The following RSPO1 variants were observed in gnomAD, a reference collection of about 807,000 sequenced individuals.
The protein encoded by RSPO1 is R-spondin 1.
Under a neutral mutation model 26.0 loss-of-function variants are expected in RSPO1, and 18 were observed. The observed-to-expected ratio is 0.69, with a 90% CI of 0.48 to 1.03. The LOEUF (loss-of-function observed/expected upper bound fraction) is 1.03, where lower values mean the gene tolerates loss of function less well. Ranked by LOEUF, RSPO1 falls within the 50% of genes least tolerant of loss-of-function variation. The pLI, the probability that RSPO1 is intolerant of heterozygous loss-of-function variation, is 0.00. For missense variants in RSPO1, 309 were observed against 352.3 expected (o/e 0.88, Z 0.98); for synonymous variants, 133 against 137.4 (o/e 0.97, Z 0.22).
Position 37,634,850 on chromosome 1 carries a change from C to T in RSPO1, c.-640G>A, listed in dbSNP as rs1644415957. The T allele has an allele frequency of 6.6e-6, 1 of 152,306 alleles. No individual in the cohort carries two copies. The highest frequency in any genetic ancestry group is 2.4e-5 in the African/African-American group (1 of 41,476). The allele number at this position is 152,306 out of a possible 1,614,324, so 9.4% of individuals were successfully genotyped here. On this transcript the variant is annotated 5_prime_UTR_variant, in exon 1 of 7. Transcript: ENST00000356545. The surrounding 1 kb of genome is among the most constrained non-coding windows in gnomAD (Gnocchi z 4.7). ...GCTCTCTGCCCTGCGCTGGTGCTCT[C>T]CGTCGCGCCTCCGCTCGGCCGGAGC... is the stretch of plus-strand genomic sequence containing the variant.
chr1:37,629,652 C>A lies in RSPO1; in HGVS notation c.10G>T (p.Gly4Trp). The change falls in exon 3 of 7, where the codon GGG becomes TGG. Residue 4 changes from glycine (G) to tryptophan (W), a missense_variant. Physicochemically the swap from Gly to Trp is radical, Grantham distance 184. Coordinates refer to ENST00000356545, the MANE Select transcript of RSPO1 (RefSeq NM_001242908.2). Reference protein sequence around the residue: MRLGLCVVALVLSW... With the variant: MRLWLCVVALVLSW... The stretch of plus-strand genomic sequence containing the variant: ...AGAACCAGGGCCACCACACACAGCC[C>A]AAGCCGCATAGTCACGCGCCAGCTC... 1 of 1,614,106 alleles carries A rather than the reference C, an allele frequency of 6.2e-7. No homozygotes were observed. The highest frequency in any genetic ancestry group is 8.5e-7 in the Non-Finnish European group (1 of 1,180,016).
intron 1 of RSPO1, among the ~76,000 whole-genome samples, chr1:37,633,924 C>T (rs757161558): frequency 5.3e-5 from 8 of 152,216 alleles, no homozygotes; most frequent in Admixed American, 1.3e-4. Context: ...GAGCTGTCCA[C>T]GTCTGAGAGG....
chr1:37,615,589 C>T (rs532222633), intron 4 of RSPO1, among the ~76,000 whole-genome samples: 1 of 152,338 alleles, frequency 6.6e-6, no homozygotes, highest in South Asian at 2.1e-4. Context: ...TGTCTCCCTC[C>T]CAGTGTTGTT....
At chr1:37,619,064 A>T (rs888383841) in intron 3 of RSPO1, among the ~76,000 whole-genome samples, 1 of 152,162 alleles carries the variant, frequency 6.6e-6, no homozygotes, top group Non-Finnish European at 1.5e-5. Flanking sequence ...TGTACTAAAG[A>T]TACACAAAAT....
intron 2 of RSPO1, chr1:37,631,850 AC>A (rs1365765979): frequency 6.6e-6 from 1 of 152,200 alleles, no homozygotes; most frequent in Non-Finnish European, 1.5e-5. Flanking sequence ...TAACCTTAAT[AC>A]TGAGTACTGT....
rs761409987 is a variant in RSPO1, at chr1:37,613,892, G to A, written c.437C>T (p.Ala146Val). ...ANGTMECSSP[A>V]QCEMSEWSPW... is the part of the protein sequence containing the mutation. Reference sequence around the variant, plus strand: ...AGACCACTCGCTCATTTCACATTGCGCTGGCAGGAAGAGAAGGGAAGGGAG... The same window carrying A: ...AGACCACTCGCTCATTTCACATTGCACTGGCAGGAAGAGAAGGGAAGGGAG... The change falls in exon 6 of 7, where the codon GCG becomes GTG. Residue 146 changes from alanine to valine, a missense_variant and splice_region_variant. Ala to Val is a moderately conservative substitution (Grantham distance 64). Coordinates refer to ENST00000356545, the MANE Select transcript of RSPO1 (RefSeq NM_001242908.2). The surrounding 1 kb of genome is among the most constrained non-coding windows in gnomAD (Gnocchi z 4.5). 1.3e-5 allele frequency: 21 copies of A among 1,613,858 alleles called. No individual in the cohort carries two copies. The highest frequency in any genetic ancestry group is 4.0e-5 in the African/African-American group (3 of 74,924).
At chr1:37,629,396 A>G (rs1644323720) in intron 3 of RSPO1, among the ~76,000 whole-genome samples, 172 bp downstream of exon 3, 1 of 152,202 alleles carries the variant, frequency 6.6e-6, no homozygotes, top group Non-Finnish European at 1.5e-5. Context: ...TAATCCACCA[A>G]TTGAATAATC....
intron 2 of RSPO1, among the ~76,000 whole-genome samples, chr1:37,630,377 C>G (rs533537909): frequency 1.3e-5 from 2 of 152,188 alleles, no homozygotes; most frequent in Non-Finnish European, 2.9e-5. Flanking sequence ...CTTTTCTTCC[C>G]GGGGCTGAGT....
intron 3 of RSPO1, among the ~76,000 whole-genome samples, chr1:37,627,718 A>G (rs571764733): frequency 1.5e-4 from 23 of 152,262 alleles, no homozygotes; most frequent in African/African-American, 5.3e-4. Flanking sequence ...CTATTATCTC[A>G]TGTAAGCCTT....
At chr1:37,627,142 C>A (rs777336431) in intron 3 of RSPO1, among the ~76,000 whole-genome samples, 1 of 152,064 alleles carries the variant, frequency 6.6e-6, no homozygotes, top group Admixed American at 6.6e-5. Context: ...GCCCTCCTAC[C>A]CTGCAGCCGA....
intron 3 of RSPO1, among the ~76,000 whole-genome samples, chr1:37,619,698 A>T (rs1043879268): frequency 3.3e-5 from 5 of 152,188 alleles, no homozygotes; most frequent in Admixed American, 3.3e-4. Flanking sequence ...TTTAATCCTT[A>T]CAACAACCCA....
chr1:37,629,591 A>AT lies in RSPO1; in HGVS notation c.70dup (p.Ile24AsnfsTer22), dbSNP rs1389831099. ...ACTCCGCCTCTGCCTTTTCCCCTTG[A>AT]TCCCCCGGCTGCTGATGGTGAGGTG... On this transcript the variant is annotated frameshift_variant, in exon 3 of 7. Coordinates refer to ENST00000356545, the MANE Select transcript of RSPO1 (RefSeq NM_001242908.2). LOFTEE classifies it high-confidence loss of function. 6.2e-7 allele frequency: 1 copy of AT among 1,614,016 alleles called. No individual in the cohort carries two copies.
At chr1:37,622,668 G>A (rs148823201) in intron 3 of RSPO1, among the ~76,000 whole-genome samples, 1 of 152,326 alleles carries the variant, frequency 6.6e-6, no homozygotes, top group East Asian at 1.9e-4. Flanking sequence ...GAGAGACAGA[G>A]GTGCCAGGAA....
chr1:37,633,473 G>T (rs887148500), intron 1 of RSPO1, among the ~76,000 whole-genome samples: 4 of 152,202 alleles, frequency 2.6e-5, no homozygotes, highest in African/African-American at 9.6e-5. Context: ...CCCGGGAGGG[G>T]GCTGGAATCA....
Sources: gnomAD v4.1 joint callset for allele counts (sites outside exome capture counted in the v4.1 genomes callset) on GRCh38, gnomAD v4.1.1 for gene constraint, Gnocchi (gnomAD v3.1) non-coding constraint, MANE v1.5 for transcripts, NCBI Gene and HGNC (gene_info 2026-07-23, HGNC 2026-07-21) for gene names.